Variants in NTAN1 observed in about 807,000 individuals in gnomAD.
NTAN1 encodes protein N-terminal asparagine amidohydrolase.
A neutral mutation model predicts 41.9 loss-of-function variants in NTAN1; 32 were observed. The ratio of observed to expected loss-of-function variants is 0.76; its 90% CI spans 0.58 to 1.03. NTAN1 has a LOEUF of 1.03. Among genes scored for constraint, NTAN1 ranks in the 50% least tolerant of loss-of-function variants. The probability of loss-of-function intolerance (pLI) is 0.00; values close to 1 mark genes in which losing one functional copy is unlikely to be tolerated. For missense variants in NTAN1, 377 were observed against 377.5 expected (o/e 1.00, Z 0.01); for synonymous variants, 140 against 139.5 (o/e 1.00, Z -0.03).
At chr16:15,055,013 GA>G (rs1185909348) in intron 1 of NTAN1, among the ~76,000 whole-genome samples, 1 of 152,110 alleles carries the variant, frequency 6.6e-6, no homozygotes, top group Non-Finnish European at 1.5e-5. Flanking sequence ...TTCTTCATCA[GA>G]AACCATTCTC....
At position 15,044,409 on chromosome 16, in the gene NTAN1, TG is replaced by T. The variant is rs779050805; in HGVS notation, c.360-3del. Reference sequence around the variant, plus strand: ...CCTCCAACAAGGTGTACTTCCAGCCTGGCAAAGAGATGAGACGGGTCAGAGG... The same window carrying T: ...CCTCCAACAAGGTGTACTTCCAGCCTGCAAAGAGATGAGACGGGTCAGAGG... On this transcript the variant is annotated splice_polypyrimidine_tract_variant and splice_region_variant and intron_variant, in intron 4 of 9. Coordinates refer to ENST00000287706, the MANE Select transcript of NTAN1 (RefSeq NM_173474.4). 1 of 1,611,068 alleles carries T rather than the reference TG, an allele frequency of 6.2e-7. No individual in the cohort carries two copies. Among genetic ancestry groups the T allele is most frequent in the Non-Finnish European group, 8.5e-7 (1 of 1,177,214 alleles).
At position 15,040,975 on chromosome 16, in the gene NTAN1, TC is replaced by T. The variant is rs937431941; in HGVS notation, c.541+92del. The T allele has an allele frequency of 6.9e-6, 6 of 870,450 alleles. No individual in the cohort carries two copies. In the African/African-American group the frequency reaches 9.9e-5, roughly 14 times the overall value. 53.9% of individuals were successfully genotyped at this position (870,450 alleles called of 1,614,324 possible). A position where few individuals can be genotyped will look rare whatever the true frequency, so the allele number is the denominator to read the frequency against. Reference sequence around the variant, plus strand: ...GGGATCTGAACCCAAAGCTGTCCCATCCTGACAGCAGTGGGGTCATTGGTTT... The same window carrying T: ...GGGATCTGAACCCAAAGCTGTCCCATCTGACAGCAGTGGGGTCATTGGTTT... On this transcript the variant is annotated intron_variant, in intron 7 of 9. Coordinates refer to ENST00000287706, the MANE Select transcript of NTAN1 (RefSeq NM_173474.4).
intron 5 of NTAN1, 84 bp from the exon 6 acceptor site, chr16:15,041,760 G>C: frequency 1.0e-6 from 1 of 987,202 alleles, no homozygotes; most frequent in South Asian, 1.3e-5. Flanking sequence ...ACGACAGGGA[G>C]GGACGGCAGC....
intron 1 of NTAN1, among the ~76,000 whole-genome samples, chr16:15,055,337 GCTCT>G (rs1441248674): frequency 6.6e-6 from 1 of 152,214 alleles, no homozygotes; most frequent in Non-Finnish European, 1.5e-5. Context: ...GGAAAGCAGG[GCTCT>G]CTCTCCCGGC....
chr16:15,042,952 G>C (rs923989960), intron 5 of NTAN1, among the ~76,000 whole-genome samples: 2 of 150,020 alleles, frequency 1.3e-5, no homozygotes, highest in Non-Finnish European at 3.0e-5. Context: ...CCATGCTGGA[G>C]TGCAATGGTG....
chr16:15,051,853 G>A (rs1212208657), intron 1 of NTAN1, among the ~76,000 whole-genome samples: 2 of 151,974 alleles, frequency 1.3e-5, no homozygotes, highest in African/African-American at 4.8e-5. Flanking sequence ...ACAGGCGCAC[G>A]CCACCACACT....
Position 15,037,940 on chromosome 16 carries a change from C to CAACAGATGTAGGATCCAGA in NTAN1, c.*72_*90dup. On this transcript the variant is annotated 3_prime_UTR_variant, in exon 10 of 10. Transcript: ENST00000287706. ...TGAGGAGGGAAGGAGGCCTAAGACCCAACAGATGTAGGATCCAGATCTGGA... is the reference window on the plus strand; with the variant it reads ...TGAGGAGGGAAGGAGGCCTAAGACCCAACAGATGTAGGATCCAGAAACAGATGTAGGATCCAGATCTGGA... 2.3e-6 allele frequency: 2 copies of CAACAGATGTAGGATCCAGA among 878,072 alleles called. No individual in the cohort carries two copies. The highest frequency in any genetic ancestry group is 1.8e-6 in the Non-Finnish European group (1 of 552,830). 54.4% of individuals were successfully genotyped at this position (878,072 alleles called of 1,614,324 possible). A position where few individuals can be genotyped will look rare whatever the true frequency, so the allele number is the denominator to read the frequency against.
At chr16:15,042,565 T>C (rs1220010191) in intron 5 of NTAN1, among the ~76,000 whole-genome samples, 2 of 152,192 alleles carry the variant, frequency 1.3e-5, no homozygotes, top group East Asian at 3.9e-4. Flanking sequence ...TGTTATTTTT[T>C]AGCGACTACA....
rs2044057902 is a variant in NTAN1, at chr16:15,046,284, T to C, written c.359+1158A>G. ...CTCTTTCCTTTTTAGACTCCTAGGA[T>C]TAAGCCTTCGTATATGATGGGAGTA... On this transcript the variant is annotated intron_variant, in intron 4 of 9. Coordinates refer to ENST00000287706, the MANE Select transcript of NTAN1 (RefSeq NM_173474.4). 2.0e-5 allele frequency among the ~76,000 whole-genome samples: 3 copies of C among 152,190 alleles called. No homozygotes were observed. The South Asian group carries it at 6.2e-4, about 32-fold the overall frequency.
intron 7 of NTAN1, 70 bp downstream of exon 7, chr16:15,040,998 G>C (rs2043790419): frequency 9.4e-6 from 10 of 1,064,904 alleles, no homozygotes; most frequent in Admixed American, 5.1e-5. Context: ...GGGGTCATTG[G>C]TTTGCTGAAT....
intron 1 of NTAN1, among the ~76,000 whole-genome samples, chr16:15,054,554 G>A (rs1165089060): frequency 1.3e-5 from 2 of 152,104 alleles, no homozygotes; most frequent in African/African-American, 4.8e-5. Flanking sequence ...AAAGTGACAC[G>A]CCACCACGCC....
intron 6 of NTAN1, 44 bp from the exon 7 acceptor site, chr16:15,041,165 C>G: frequency 8.3e-7 from 1 of 1,200,566 alleles, no homozygotes; most frequent in Non-Finnish European, 1.2e-6. Flanking sequence ...AAAGAAATAC[C>G]AAATGATTAT....
rs2043819583 is a variant in NTAN1, at chr16:15,041,616, G to A, written c.487+7C>T. 3.1e-6 allele frequency: 5 copies of A among 1,604,172 alleles called. 1 individual carries two copies. In the East Asian group the frequency reaches 1.1e-4, roughly 36 times the overall value. On this transcript the variant is annotated splice_region_variant and intron_variant, in intron 6 of 9. Coordinates refer to ENST00000287706, the MANE Select transcript of NTAN1 (RefSeq NM_173474.4). ...ATCTTTGCTTTGGGGCAAATGGCAG[G>A]ACTTACCTGTCACACATAATGTCAC... is the stretch of plus-strand genomic sequence containing the variant.
At chr16:15,053,887 G>A (rs1425399029) in intron 1 of NTAN1, among the ~76,000 whole-genome samples, 1 of 152,172 alleles carries the variant, frequency 6.6e-6, no homozygotes, top group African/African-American at 2.4e-5. Context: ...AATCCAGCCT[G>A]GGCCACAGAA....
chr16:15,046,053 C>T (rs1382598362), intron 4 of NTAN1: 1 of 152,324 alleles, frequency 6.6e-6, no homozygotes, highest in African/African-American at 2.4e-5. Flanking sequence ...CAAGCACGTT[C>T]TGAGAACCAC....
At chr16:15,043,642 C>CTTTT (rs2043923906) in intron 5 of NTAN1, among the ~76,000 whole-genome samples, 1 of 152,210 alleles carries the variant, frequency 6.6e-6, no homozygotes, top group African/African-American at 2.4e-5. Context: ...TTCTTTCTTT[C>CTTTT]TTTTTTGAAA....
chr16:15,049,841 G>A (rs780948592), intron 1 of NTAN1, among the ~76,000 whole-genome samples: 16 of 152,018 alleles, frequency 1.1e-4, no homozygotes, highest in African/African-American at 1.7e-4. Context: ...GAAAACTATG[G>A]GAAAAAGAGT....
intron 3 of NTAN1, 37 bp downstream of exon 3, chr16:15,047,818 G>A (rs771046781): frequency 2.6e-6 from 4 of 1,543,762 alleles, no homozygotes; most frequent in Non-Finnish European, 1.8e-6. Context: ...GGTTGGGTCA[G>A]TTTAAGTAAT....
At position 15,038,601 on chromosome 16, in the gene NTAN1, C is replaced by T. The variant is rs989730925; in HGVS notation, c.726G>A (p.Leu242=). The T allele has an allele frequency of 2.5e-6, 4 of 1,602,930 alleles. No homozygotes were observed. The African/African-American group carries it at 5.4e-5, about 21-fold the overall frequency. ...CTAGTATTTGCTTGTCATCTTGGTG[C>T]AACCAGAAATCCACATGTGGAAATG... ...WTPFPHVDFW[L]HQDDKQILEN... The change falls in exon 9 of 10, where the codon TTG becomes TTA. Residue 242 remains leucine (L), a synonymous_variant. Coordinates refer to ENST00000287706, the MANE Select transcript of NTAN1 (RefSeq NM_173474.4).
Sources: allele counts gnomAD v4.1 joint callset (sites outside exome capture counted in the v4.1 genomes callset), GRCh38; gene constraint gnomAD v4.1.1; transcripts MANE v1.5; gene names NCBI Gene and HGNC (gene_info 2026-07-23, HGNC 2026-07-21).